The following CHRM3 variants were observed in gnomAD, a reference collection of about 807,000 sequenced individuals.
The protein encoded by CHRM3 is cholinergic receptor muscarinic 3.
CHRM3 carries 11 observed loss-of-function variants against 41.8 expected under a neutral mutation model. That is an observed-to-expected ratio of 0.26 (90% CI 0.17 to 0.44). CHRM3 has a LOEUF of 0.44. Ranked by LOEUF, CHRM3 falls within the 20% of genes least tolerant of loss-of-function variation. The pLI is 1.00. For synonymous variants in CHRM3, 297 were observed against 301.4 expected, an observed-to-expected ratio of 0.99 and a Z score of 0.15; for missense variants, 571 against 745.4, an observed-to-expected ratio of 0.77 and a Z score of 2.72.
intron 1 of CHRM3, among the ~76,000 whole-genome samples, chr1:239,446,297 T>G (rs1664152246): frequency 6.6e-6 from 1 of 152,188 alleles, no homozygotes; most frequent in African/African-American, 2.4e-5. Flanking sequence ...GTTGAATGCA[T>G]TAGTATTTAC....
chr1:239,716,623 G>C (rs1197237995), intron 5 of CHRM3, among the ~76,000 whole-genome samples: 1 of 151,904 alleles, frequency 6.6e-6, no homozygotes, highest in East Asian at 1.9e-4. Context: ...TTTTTTGCAA[G>C]AGAGTGAATA....
At chr1:239,618,843 GAAAAAAAA>G (rs1174760989) in intron 3 of CHRM3, among the ~76,000 whole-genome samples, 1 of 76,784 alleles carries the variant, frequency 1.3e-5, no homozygotes, top group Non-Finnish European at 2.5e-5. Context: ...GACTCTGTCA[GAAAAAAAA>G]AAAAAAAAAA....
intron 2 of CHRM3, among the ~76,000 whole-genome samples, chr1:239,529,609 CAAAAAAAAAA>C (rs74990447): frequency 9.0e-6 from 1 of 110,854 alleles, no homozygotes; most frequent in Non-Finnish European, 1.8e-5. Flanking sequence ...GACTCCGTCT[CAAAAAAAAAA>C]AAAAAAAAAA....
chr1:239,599,980 T>A (rs930779002), intron 3 of CHRM3, among the ~76,000 whole-genome samples: 1 of 152,138 alleles, frequency 6.6e-6, no homozygotes, highest in Admixed American at 6.5e-5. Flanking sequence ...CTCTCACACA[T>A]AAAATGCACA....
intron 1 of CHRM3, among the ~76,000 whole-genome samples, chr1:239,480,021 A>G (rs1029195051): frequency 1.3e-5 from 2 of 152,262 alleles, no homozygotes; most frequent in African/African-American, 4.8e-5. Context: ...CAGCTCCATT[A>G]TAATCTTATG....
intron 3 of CHRM3, among the ~76,000 whole-genome samples, chr1:239,612,634 A>G (rs1419491063): frequency 6.6e-6 from 1 of 152,158 alleles, no homozygotes; most frequent in Non-Finnish European, 1.5e-5. Context: ...AGAAGCAGTG[A>G]ATTGCTAGTT....
chr1:239,602,802 T>G, intron 3 of CHRM3, among the ~76,000 whole-genome samples: 1 of 152,358 alleles, frequency 6.6e-6, no homozygotes, highest in South Asian at 2.1e-4. Flanking sequence ...TAAAAACAGA[T>G]AACATAATAT....
chr1:239,679,426 G>A (rs1250440950), intron 5 of CHRM3, among the ~76,000 whole-genome samples: 1 of 152,106 alleles, frequency 6.6e-6, no homozygotes, highest in Admixed American at 6.6e-5. Flanking sequence ...CCTTGGGAAG[G>A]TTTCTGTACT....
At chr1:239,770,962 C>G (rs983368636) in intron 5 of CHRM3, among the ~76,000 whole-genome samples, 2 of 151,914 alleles carry the variant, frequency 1.3e-5, no homozygotes, top group African/African-American at 4.8e-5. Flanking sequence ...GTGGTGGGTG[C>G]CTGTAATCCC....
intron 5 of CHRM3, among the ~76,000 whole-genome samples, chr1:239,727,430 C>G (rs1417994234): frequency 2.0e-5 from 3 of 151,984 alleles, no homozygotes; most frequent in East Asian, 1.9e-4. Context: ...TTAAAAGTCT[C>G]TATATAATTT....
At chr1:239,876,847 C>G (rs1212123173) in intron 6 of CHRM3, among the ~76,000 whole-genome samples, 1 of 152,160 alleles carries the variant, frequency 6.6e-6, no homozygotes, top group Non-Finnish European at 1.5e-5. Flanking sequence ...CTTCATGACC[C>G]TTACTCTTAT....
intron 3 of CHRM3, among the ~76,000 whole-genome samples, chr1:239,584,087 G>A (rs191724590): frequency 9.8e-4 from 147 of 149,750 alleles, no homozygotes; most frequent in Non-Finnish European, 1.7e-3. Context: ...TGTTGGATTC[G>A]AATTAGTCAT....
intron 2 of CHRM3, among the ~76,000 whole-genome samples, chr1:239,544,544 T>A (rs1019662219): frequency 6.6e-6 from 1 of 152,212 alleles, no homozygotes; most frequent in Non-Finnish European, 1.5e-5. Context: ...TTCTTGAGAT[T>A]GTATTGCAAA....
chr1:239,817,822 T>C (rs1386128986), intron 5 of CHRM3, among the ~76,000 whole-genome samples: 1 of 152,090 alleles, frequency 6.6e-6, no homozygotes, highest in African/African-American at 2.4e-5. Context: ...CACCACCCTC[T>C]CACCCTCTCA....
chr1:239,559,918 A>G (rs745318774), intron 3 of CHRM3, among the ~76,000 whole-genome samples: 3 of 152,134 alleles, frequency 2.0e-5, no homozygotes, highest in African/African-American at 7.2e-5. Context: ...TTGTATGGCT[A>G]TTGTCCATTT....
intron 4 of CHRM3, among the ~76,000 whole-genome samples, chr1:239,661,383 G>A (rs1032172621): frequency 6.6e-6 from 1 of 152,128 alleles, no homozygotes; most frequent in African/African-American, 2.4e-5. Context: ...TGAGTTTTAG[G>A]TTCTAAAGTC....
At chr1:239,765,442 T>C (rs1174248369) in intron 5 of CHRM3, among the ~76,000 whole-genome samples, 1 of 152,206 alleles carries the variant, frequency 6.6e-6, no homozygotes, top group East Asian at 1.9e-4. Context: ...TTTGTGATGC[T>C]AATTGTTTAT....
At chr1:239,693,288 C>T (rs1037274928) in intron 5 of CHRM3, among the ~76,000 whole-genome samples, 1 of 152,232 alleles carries the variant, frequency 6.6e-6, no homozygotes. Context: ...AGCCCCAACC[C>T]CCAATGCAAC....
intron 2 of CHRM3, among the ~76,000 whole-genome samples, chr1:239,495,602 C>G (rs1667829009): frequency 6.6e-6 from 1 of 152,130 alleles, no homozygotes; most frequent in African/African-American, 2.4e-5. Flanking sequence ...ATTTGAGAGC[C>G]AGCCTTCCTC....
Sources: gnomAD v4.1 joint callset for allele counts (sites outside exome capture counted in the v4.1 genomes callset) on GRCh38, gnomAD v4.1.1 for gene constraint, MANE v1.5 for transcripts, NCBI Gene and HGNC (gene_info 2026-07-23, HGNC 2026-07-21) for gene names.